Variants in DLEC1 observed in about 807,000 individuals in gnomAD.
DLEC1 encodes DLEC1 cilia and flagella associated protein.
Under a neutral mutation model 198.1 loss-of-function variants are expected in DLEC1, and 146 were observed. The ratio of observed to expected loss-of-function variants is 0.74; its 90% CI spans 0.64 to 0.85. The LOEUF (loss-of-function observed/expected upper bound fraction) is 0.85, where lower values mean the gene tolerates loss of function less well. DLEC1 is among the 40% of genes least tolerant of loss of function. The pLI is 0.00. For synonymous variants in DLEC1, 897 were observed against 866.8 expected, an observed-to-expected ratio of 1.03 and a Z score of -0.61; for missense variants, 2,233 against 2,220.0, an observed-to-expected ratio of 1.01 and a Z score of -0.12.
At chr3:38,096,444 C>A (rs951769843) in intron 14 of DLEC1, 125 bp from the exon 15 acceptor site, 7 of 1,145,200 alleles carry the variant, frequency 6.1e-6, no homozygotes, top group Middle Eastern at 3.0e-4. Context: ...ATTTAGGGGG[C>A]TCAGGAGCTG....
chr3:38,067,435 G>A (rs1317654826), intron 6 of DLEC1, among the ~76,000 whole-genome samples: 1 of 152,242 alleles, frequency 6.6e-6, no homozygotes, highest in African/African-American at 2.4e-5. Context: ...TTGCTGCAAA[G>A]CAAAATTTCC....
chr3:38,083,878 C>T (rs1258790622), intron 6 of DLEC1, among the ~76,000 whole-genome samples: 1 of 151,952 alleles, frequency 6.6e-6, no homozygotes, highest in Non-Finnish European at 1.5e-5. Context: ...GATCCGCCTG[C>T]CCCAGCCTCC....
At chr3:38,115,342 G>T (rs1382807253) in intron 27 of DLEC1, among the ~76,000 whole-genome samples, 1 of 152,234 alleles carries the variant, frequency 6.6e-6, no homozygotes, top group Non-Finnish European at 1.5e-5. Context: ...GGACAGCAGG[G>T]TTTCTGCCGA....
At chr3:38,095,846 G>A in intron 13 of DLEC1, 42 bp from the exon 14 acceptor site, 1 of 1,611,972 alleles carries the variant, frequency 6.2e-7, no homozygotes, top group Non-Finnish European at 8.5e-7. Flanking sequence ...ACAACCTGCT[G>A]GAACGCAGTG....
chr3:38,048,622 T>C (rs1559393069), intron 2 of DLEC1, among the ~76,000 whole-genome samples: 1 of 152,198 alleles, frequency 6.6e-6, no homozygotes, highest in Non-Finnish European at 1.5e-5. Flanking sequence ...CCCCACAGCT[T>C]GGAAGGGGGT....
intron 2 of DLEC1, among the ~76,000 whole-genome samples, chr3:38,048,039 C>T (rs749976237): frequency 1.6e-4 from 25 of 152,300 alleles, no homozygotes; most frequent in Non-Finnish European, 2.8e-4. Context: ...TCATTGTGCA[C>T]GCTTGGATTT....
intron 19 of DLEC1, among the ~76,000 whole-genome samples, chr3:38,105,622 T>G (rs1332531592): frequency 6.6e-6 from 1 of 152,190 alleles, no homozygotes; most frequent in East Asian, 1.9e-4. Flanking sequence ...TGATATATAT[T>G]TTTCCATCCT....
intron 19 of DLEC1, among the ~76,000 whole-genome samples, chr3:38,106,888 C>T (rs115550165): frequency 1.3e-5 from 2 of 152,020 alleles, no homozygotes; most frequent in South Asian, 4.1e-4. Flanking sequence ...TACCTTCAGC[C>T]GTTCAGACAT....
chr3:38,094,029 T>C (rs1698882231), intron 12 of DLEC1, among the ~76,000 whole-genome samples: 1 of 152,234 alleles, frequency 6.6e-6, no homozygotes, highest in Admixed American at 6.5e-5. Context: ...AGCTAGTGGC[T>C]GTCATATTGG....
At chr3:38,116,377 G>A (rs1349482280) in intron 27 of DLEC1, 76 bp from the exon 28 acceptor site, 13 of 1,424,654 alleles carry the variant, frequency 9.1e-6, no homozygotes, top group African/African-American at 8.5e-5. Context: ...CTGTCTGGGG[G>A]TATGAGGAGG....
rs1467303764 is a variant in DLEC1 at position 38,111,888 on chromosome 3, A to T, written c.3514+141A>T. On this transcript the variant is annotated intron_variant, in intron 24 of 36. Transcript: ENST00000308059. ...GATGGCCAAGGCGCTCCACCTGACA[A>T]TGCCTCTTCCTGTTGAGGCCACTTC... 5 of 947,982 alleles carry T rather than the reference A, an allele frequency of 5.3e-6. No homozygotes were observed. The South Asian group carries it at 8.6e-5, about 16-fold the overall frequency. The allele number at this position is 947,982 out of a possible 1,614,324, so 58.7% of individuals were successfully genotyped here. A position where few individuals can be genotyped will look rare whatever the true frequency, so the allele number is the denominator to read the frequency against.
At chr3:38,093,343 C>T (rs1449812442) in intron 11 of DLEC1, among the ~76,000 whole-genome samples, 1 of 152,024 alleles carries the variant, frequency 6.6e-6, no homozygotes, top group African/African-American at 2.4e-5. Flanking sequence ...TTCCCTCCCT[C>T]CTTTTCTCCC....
At chr3:38,083,056 G>C (rs944301286) in intron 6 of DLEC1, among the ~76,000 whole-genome samples, 4 of 151,840 alleles carry the variant, frequency 2.6e-5, no homozygotes, top group Non-Finnish European at 5.9e-5. Flanking sequence ...AAAGGAGAAA[G>C]AGGTTGAGGG....
intron 20 of DLEC1, 101 bp downstream of exon 20, chr3:38,107,838 A>T: frequency 7.4e-7 from 1 of 1,359,196 alleles, no homozygotes; most frequent in Middle Eastern, 2.7e-4. Flanking sequence ...CAGAACAGAG[A>T]TACTCAGCCT....
rs560784533 is a variant in DLEC1, at chr3:38,121,864, G to C, written c.5020+83G>C. 5.2e-6 allele frequency: 8 copies of C among 1,549,064 alleles called. No individual in the cohort carries two copies. In the South Asian group the frequency reaches 8.6e-5, roughly 17 times the overall value. The stretch of plus-strand genomic sequence containing the variant: ...ACCCCCCAGGAAGGGGCCCCTGTGC[G>C]CCGTCCCTGCATGCTGGCTCCCAGG... On this transcript the variant is annotated intron_variant, in intron 35 of 36. Coordinates refer to ENST00000308059, the MANE Select transcript of DLEC1 (RefSeq NM_007335.4).
intron 18 of DLEC1, among the ~76,000 whole-genome samples, chr3:38,099,693 G>A (rs1404012052): frequency 6.6e-6 from 1 of 151,620 alleles, no homozygotes; most frequent in East Asian, 2.0e-4. Flanking sequence ...CTCCCCAGAT[G>A]GGGACACTTT....
chr3:38,081,212 C>T (rs1219253942), intron 6 of DLEC1, among the ~76,000 whole-genome samples: 7 of 138,744 alleles, frequency 5.0e-5, no homozygotes, highest in Non-Finnish European at 9.3e-5. Flanking sequence ...CCCATGTCTA[C>T]TTCTTTCTAC....
chr3:38,101,014 C>A (rs1335906490), intron 19 of DLEC1, among the ~76,000 whole-genome samples: 4 of 152,132 alleles, frequency 2.6e-5, no homozygotes, highest in African/African-American at 9.7e-5. Context: ...TGGAAAACTT[C>A]TCATATATAT....
chr3:38,053,588 C>T (rs541887514), intron 2 of DLEC1, among the ~76,000 whole-genome samples: 77 of 144,560 alleles, frequency 5.3e-4, no homozygotes, highest in East Asian at 2.7e-3. Flanking sequence ...GGGCAGCCCC[C>T]GCCCGGCCAG....
Sources: allele counts gnomAD v4.1 joint callset (sites outside exome capture counted in the v4.1 genomes callset), GRCh38; gene constraint gnomAD v4.1.1; transcripts MANE v1.5; gene names NCBI Gene and HGNC (gene_info 2026-07-23, HGNC 2026-07-21).